DNAJC1: variants seen among roughly 807,000 people sequenced by gnomAD.
DNAJC1 encodes dnaJ homolog subfamily C member 1.
In DNAJC1, 58 loss-of-function variants were observed where a neutral mutation model predicts 76.6. The observed-to-expected ratio is 0.76, with a 90% CI of 0.61 to 0.94. The LOEUF is 0.94. Ranked by LOEUF, DNAJC1 falls within the 40% of genes least tolerant of loss-of-function variation. The pLI, the probability that DNAJC1 is intolerant of heterozygous loss-of-function variation, is 0.00. For synonymous variants in DNAJC1, 258 were observed against 267.9 expected, an observed-to-expected ratio of 0.96 and a Z score of 0.36; for missense variants, 689 against 677.3, an observed-to-expected ratio of 1.02 and a Z score of -0.19.
At chr10:21,847,629 C>T (rs560907436) in intron 8 of DNAJC1, among the ~76,000 whole-genome samples, 1 of 152,262 alleles carries the variant, frequency 6.6e-6, no homozygotes, top group African/African-American at 2.4e-5. Flanking sequence ...TATCATTCTA[C>T]TTTCTACCTC....
At chr10:21,816,921 G>A (rs1189043840) in intron 8 of DNAJC1, among the ~76,000 whole-genome samples, 4 of 145,462 alleles carry the variant, frequency 2.7e-5, no homozygotes, top group African/African-American at 5.0e-5. Context: ...TTGGGAGGCC[G>A]AGGTGGGTGG....
chr10:21,914,562 T>C (rs567200178), intron 6 of DNAJC1, among the ~76,000 whole-genome samples: 2 of 152,322 alleles, frequency 1.3e-5, no homozygotes, highest in African/African-American at 4.8e-5. Context: ...GTCTAAATAT[T>C]CTTTTTAGAC....
chr10:22,000,402 T>C (rs61850562), intron 1 of DNAJC1, among the ~76,000 whole-genome samples: 230 of 152,338 alleles, frequency 1.5e-3, no homozygotes, highest in Admixed American at 3.6e-3. Context: ...GTCCTTACAA[T>C]GGCCTACAAA....
chr10:21,950,479 C>T (rs770613451), intron 1 of DNAJC1, among the ~76,000 whole-genome samples: 2 of 152,072 alleles, frequency 1.3e-5, no homozygotes, highest in Non-Finnish European at 2.9e-5. Flanking sequence ...CTCTCCGAGA[C>T]ACAACAATAT....
chr10:21,907,681 C>G (rs1450606179), intron 6 of DNAJC1, among the ~76,000 whole-genome samples: 1 of 151,798 alleles, frequency 6.6e-6, no homozygotes, highest in Non-Finnish European at 1.5e-5. Flanking sequence ...GACTTTGGAT[C>G]AATATGAGGA....
At chr10:21,799,564 A>G (rs1447621992) in intron 9 of DNAJC1, among the ~76,000 whole-genome samples, 1 of 152,116 alleles carries the variant, frequency 6.6e-6, no homozygotes, top group Non-Finnish European at 1.5e-5. Flanking sequence ...CAGCCTATCA[A>G]AGTGCTGGGA....
intron 1 of DNAJC1, among the ~76,000 whole-genome samples, chr10:22,000,356 C>T (rs1590087494): frequency 1.3e-5 from 2 of 152,286 alleles, no homozygotes; most frequent in African/African-American, 4.8e-5. Flanking sequence ...TGTTCAAACA[C>T]CACCTCCCCC....
chr10:21,978,877 T>C (rs1838106412), intron 1 of DNAJC1, among the ~76,000 whole-genome samples: 1 of 152,034 alleles, frequency 6.6e-6, no homozygotes, highest in Non-Finnish European at 1.5e-5. Flanking sequence ...CTATAAAAAA[T>C]ACATATATAG....
chr10:21,906,853 CAGTT>C (rs1285347819), intron 6 of DNAJC1, among the ~76,000 whole-genome samples: 1 of 152,106 alleles, frequency 6.6e-6, no homozygotes, highest in Non-Finnish European at 1.5e-5. Context: ...ATCTTCTACA[CAGTT>C]AGGCCTTATA....
chr10:21,829,123 T>G (rs1835312062), intron 8 of DNAJC1, among the ~76,000 whole-genome samples: 1 of 151,944 alleles, frequency 6.6e-6, no homozygotes, highest in Non-Finnish European at 1.5e-5. Flanking sequence ...CTCTGCCTCC[T>G]GGGTGCAAGC....
Position 21,920,807 on chromosome 10 carries a change from T to C in DNAJC1, c.528A>G (p.Glu176=). The change falls in exon 4 of 12, where the codon GAA becomes GAG. Residue 176 remains glutamate, a synonymous_variant. Coordinates refer to ENST00000376980, the MANE Select transcript of DNAJC1 (RefSeq NM_022365.4). ...TATTACTAACACTTACCAGTTGTTT[T>C]TCCAGGTAGATTGACCAAACCACAG... ...HYAVVWSIYL[E]KQLDELLSRK... is the part of the protein sequence containing the mutation. The C allele has an allele frequency of 1.2e-6, 2 of 1,608,788 alleles. No individual in the cohort carries two copies. The highest frequency in any genetic ancestry group is 1.7e-6 in the Non-Finnish European group (2 of 1,176,758).
chr10:21,825,179 C>T (rs1359212641), intron 8 of DNAJC1, among the ~76,000 whole-genome samples: 1 of 152,216 alleles, frequency 6.6e-6, no homozygotes, highest in Admixed American at 6.5e-5. Flanking sequence ...AGAACCTTCT[C>T]ATCATCCCAA....
chr10:21,980,013 AT>A (rs1264982120), intron 1 of DNAJC1, among the ~76,000 whole-genome samples: 1 of 151,798 alleles, frequency 6.6e-6, no homozygotes, highest in African/African-American at 2.4e-5. Context: ...TCCCCAGCTT[AT>A]TTTTCCAGAA....
At chr10:21,895,662 GCAAA>G (rs1402523184) in intron 7 of DNAJC1, among the ~76,000 whole-genome samples, 1 of 152,152 alleles carries the variant, frequency 6.6e-6, no homozygotes, top group Non-Finnish European at 1.5e-5. Flanking sequence ...GTGTCGCCAA[GCAAA>G]CATTTGATAA....
At chr10:21,908,085 A>C (rs11012821) in intron 6 of DNAJC1, among the ~76,000 whole-genome samples, 1 of 113,380 alleles carries the variant, frequency 8.8e-6, no homozygotes, top group Non-Finnish European at 1.7e-5. Flanking sequence ...AATATATATT[A>C]TATATAAAAT....
At chr10:21,781,460 G>A (rs1289110985) in intron 9 of DNAJC1, among the ~76,000 whole-genome samples, 3 of 152,136 alleles carry the variant, frequency 2.0e-5, no homozygotes, top group Non-Finnish European at 2.9e-5. Context: ...GGTGGCTCAC[G>A]CCTGTAATCC....
chr10:21,945,652 C>A (rs1361896584), intron 1 of DNAJC1, among the ~76,000 whole-genome samples: 3 of 152,058 alleles, frequency 2.0e-5, no homozygotes, highest in Non-Finnish European at 4.4e-5. Flanking sequence ...TGTTATAGAT[C>A]TTGGCCATAT....
chr10:21,854,639 T>C (rs1293184293), intron 8 of DNAJC1, among the ~76,000 whole-genome samples: 1 of 152,082 alleles, frequency 6.6e-6, no homozygotes, highest in Non-Finnish European at 1.5e-5. Context: ...AGCATATCAG[T>C]TGTTAGGAAG....
intron 1 of DNAJC1, among the ~76,000 whole-genome samples, chr10:21,973,576 G>C (rs1838014700): frequency 6.6e-6 from 1 of 152,052 alleles, no homozygotes; most frequent in African/African-American, 2.4e-5. Context: ...GAAATGAGCT[G>C]TATCAGTATT....
Sources: gnomAD v4.1 joint callset for allele counts (sites outside exome capture counted in the v4.1 genomes callset) on GRCh38, gnomAD v4.1.1 for gene constraint, MANE v1.5 for transcripts, NCBI Gene and HGNC (gene_info 2026-07-23, HGNC 2026-07-21) for gene names.